The following CIBAR1 variants were observed in gnomAD, a reference collection of about 807,000 sequenced individuals.
CIBAR1 encodes the protein CBY1 interacting BAR domain containing 1, also known as CBY1-interacting BAR domain-containing protein 1.
A neutral mutation model predicts 44.0 loss-of-function variants in CIBAR1; 25 were observed. That is an observed-to-expected ratio of 0.57 (90% CI 0.41 to 0.79). The LOEUF is 0.79. Ranked by LOEUF, CIBAR1 falls within the 30% of genes least tolerant of loss-of-function variation. CIBAR1 has a pLI of 0.00. For synonymous variants in CIBAR1, 115 were observed against 119.0 expected (o/e 0.97, Z 0.22); for missense variants, 278 against 344.8 (o/e 0.81, Z 1.53).
intron 7 of CIBAR1, among the ~76,000 whole-genome samples, chr8:93,724,986 CTT>C (rs879270732): frequency 2.0e-5 from 3 of 151,300 alleles, no homozygotes; most frequent in Non-Finnish European, 3.0e-5. Context: ...TTCAGAGAAA[CTT>C]TTTTTTTGAG....
chr8:93,727,790 T>C (rs1370596696), intron 8 of CIBAR1, among the ~76,000 whole-genome samples: 1 of 152,196 alleles, frequency 6.6e-6, no homozygotes, highest in Non-Finnish European at 1.5e-5. Context: ...TCTCAACTCA[T>C]TCCATTTAAA....
Position 93,700,554 on chromosome 8 carries a change from T to TCCCGGCGGCTGCTTGCGC in CIBAR1, c.-90_-73dup, listed in dbSNP as rs2130258134. ...CGGCGCGAGGGGCGGGCTTTCAGGC[T>TCCCGGCGGCTGCTTGCGC]CCCGGCGGCTGCTTGCGCCCCAGCG... On this transcript the variant is annotated 5_prime_UTR_variant, in exon 1 of 9. Transcript: ENST00000518322. 3 of 1,350,966 alleles carry TCCCGGCGGCTGCTTGCGC rather than the reference T, an allele frequency of 2.2e-6. No individual in the cohort carries two copies. The highest frequency in any genetic ancestry group is 5.5e-4 in the Middle Eastern group (2 of 3,636). The allele number at this position is 1,350,966 out of a possible 1,614,324, so 83.7% of individuals were successfully genotyped here. A position where few individuals can be genotyped will look rare whatever the true frequency, so the allele number is the denominator to read the frequency against.
chr8:93,721,112 C>A (rs1278462029), intron 7 of CIBAR1: 1 of 152,134 alleles, frequency 6.6e-6, no homozygotes, highest in Admixed American at 6.5e-5. Flanking sequence ...AGCTGGAAGT[C>A]TGATCCGGAA....
At chr8:93,708,840 C>T (rs905606736) in intron 5 of CIBAR1, among the ~76,000 whole-genome samples, 12 of 152,248 alleles carry the variant, frequency 7.9e-5, no homozygotes, top group Non-Finnish European at 1.5e-4. Context: ...CAAAATACCT[C>T]AATGTTGTAA....
At chr8:93,725,715 C>A (rs1323449235) in intron 7 of CIBAR1, 1 of 151,636 alleles carries the variant, frequency 6.6e-6, no homozygotes, top group Non-Finnish European at 1.5e-5. Flanking sequence ...GAAAAATGCA[C>A]ATTGGAACTA....
intron 6 of CIBAR1, among the ~76,000 whole-genome samples, chr8:93,717,761 T>G (rs937215415): frequency 2.0e-5 from 3 of 152,236 alleles, no homozygotes; most frequent in Non-Finnish European, 2.9e-5. Flanking sequence ...TGCCTTGTTC[T>G]TATTCAGCCC....
chr8:93,703,691 A>G lies in CIBAR1; in HGVS notation c.330+3A>G. The G allele has an allele frequency of 6.5e-7, 1 of 1,547,876 alleles. No homozygotes were observed. The highest frequency in any genetic ancestry group is 2.4e-5 in the East Asian group (1 of 41,146). On this transcript the variant is annotated splice_donor_region_variant and intron_variant, in intron 3 of 8. Coordinates refer to ENST00000518322, the MANE Select transcript of CIBAR1 (RefSeq NM_145269.5). ...GGACCATTGTGAAAATGAAACGGGT[A>G]AGTAAATCCATTTTCTCACTTAACT...
In CIBAR1 at chr8:93,730,459, G is replaced by A. The variant is rs756760451; in HGVS notation, c.*2162G>A. 6.6e-6 allele frequency: 1 copy of A among 152,184 alleles called. No individual in the cohort carries two copies. The allele number at this position is 152,184 out of a possible 1,614,324, so 9.4% of individuals were successfully genotyped here. ...ACAAATGCCACTGGGTATCAGGCTA[G>A]AGAATACACCTCCAGTGTACCTGGT... On this transcript the variant is annotated 3_prime_UTR_variant, in exon 9 of 9. Transcript: ENST00000518322.
intron 5 of CIBAR1, among the ~76,000 whole-genome samples, chr8:93,708,492 GA>G (rs1475317502): frequency 2.6e-5 from 4 of 152,262 alleles, no homozygotes; most frequent in Non-Finnish European, 2.9e-5. Flanking sequence ...TAGTTTTAAT[GA>G]AAATAGCCCC....
chr8:93,703,118 C>G (rs980272475), intron 2 of CIBAR1, among the ~76,000 whole-genome samples: 1 of 151,994 alleles, frequency 6.6e-6, no homozygotes, highest in African/African-American at 2.4e-5. Context: ...CTGTAGGCTT[C>G]GATAATTCAC....
rs746577960 is a variant in CIBAR1, at chr8:93,728,169, T to C, written c.778-36T>C. The C allele has an allele frequency of 5.9e-6, 8 of 1,350,818 alleles. No individual in the cohort carries two copies. In the East Asian group the frequency reaches 1.6e-4, roughly 26 times the overall value. 83.7% of individuals were successfully genotyped at this position (1,350,818 alleles called of 1,614,324 possible). A position where few individuals can be genotyped will look rare whatever the true frequency, so the allele number is the denominator to read the frequency against. ...AGAATGTAAAATTTTTTTAAGTTAG[T>C]ATTTTTATTTTAAAAAGTGTGTTAA... On this transcript the variant is annotated intron_variant, in intron 8 of 8. Transcript: ENST00000518322.
chr8:93,702,597 T>A (rs1810409391), intron 2 of CIBAR1: 2 of 451,822 alleles, frequency 4.4e-6, no homozygotes, highest in East Asian at 1.4e-4. Flanking sequence ...TTAAACTGAA[T>A]AATCAGTATG....
chr8:93,711,677 T>C (rs1472811685), intron 6 of CIBAR1, among the ~76,000 whole-genome samples: 1 of 152,226 alleles, frequency 6.6e-6, no homozygotes, highest in Non-Finnish European at 1.5e-5. Flanking sequence ...TTGTGAGCTA[T>C]GCCTGATTCC....
chr8:93,701,183 C>T (rs780808742), intron 1 of CIBAR1, 41 bp from the exon 2 acceptor site: 2 of 1,584,790 alleles, frequency 1.3e-6, no homozygotes, highest in South Asian at 1.1e-5. Context: ...CTTCTCATCT[C>T]TAACGAGAAT....
intron 1 of CIBAR1, 137 bp downstream of exon 1, chr8:93,700,810 T>C (rs1001291936): frequency 2.2e-6 from 3 of 1,335,836 alleles, no homozygotes; most frequent in Non-Finnish European, 1.9e-6. Context: ...CGCTGTGACC[T>C]GGGGCCTAAT....
chr8:93,728,182 A>G, intron 8 of CIBAR1, 23 bp from the exon 9 acceptor site: 1 of 1,445,212 alleles, frequency 6.9e-7, no homozygotes, highest in Non-Finnish European at 9.2e-7. Context: ...TTTTATTTTA[A>G]AAAGTGTGTT....
rs1482988642 is a variant in CIBAR1, at chr8:93,713,030, TTTC to T, written c.543+3158_543+3160del. Among the ~76,000 whole-genome samples the T allele has an allele frequency of 9.1e-3, 496 of 54,332 alleles. 10 individuals are homozygous for T. The highest frequency in any genetic ancestry group is 0.033 in the African/African-American group (475 of 14,274). 35.6% of individuals were successfully genotyped at this position (54,332 alleles called of 152,430 possible). The stretch of plus-strand genomic sequence containing the variant: ...CCTTTACCCTTTTTTTCTCCTTTTT[TTTC>T]TTTTTTTTTTTTTTTTCGAGACAGA... On this transcript the variant is annotated intron_variant, in intron 6 of 8. Coordinates refer to ENST00000518322, the MANE Select transcript of CIBAR1 (RefSeq NM_145269.5).
chr8:93,701,011 C>T lies in CIBAR1; in HGVS notation c.27-213C>T, dbSNP rs1810323032. ...CCACCTCCCCAGTTAAGGCCAGGCC[C>T]ACCCGGCCTGGGCCTTTTCCTGTGC... On this transcript the variant is annotated intron_variant, in intron 1 of 8. Transcript: ENST00000518322. The T allele has an allele frequency of 2.1e-6, 3 of 1,423,078 alleles. No individual in the cohort carries two copies. The African/African-American group carries it at 4.3e-5, about 21-fold the overall frequency. The allele number at this position is 1,423,078 out of a possible 1,614,324, so 88.2% of individuals were successfully genotyped here.
rs1482016388 is a variant in CIBAR1, at chr8:93,729,818, A to G, written c.*1521A>G. The stretch of plus-strand genomic sequence containing the variant: ...AAAACCATTCCTAGCTTCCACTACA[A>G]CAACAACAAAAAACAGGCAACCAAT... On this transcript the variant is annotated 3_prime_UTR_variant, in exon 9 of 9. Coordinates refer to ENST00000518322, the MANE Select transcript of CIBAR1 (RefSeq NM_145269.5). The G allele has an allele frequency of 2.6e-5, 4 of 152,170 alleles. No homozygotes were observed. The highest frequency in any genetic ancestry group is 2.9e-5 in the Non-Finnish European group (2 of 68,014). The allele number at this position is 152,170 out of a possible 1,614,324, so 9.4% of individuals were successfully genotyped here. A position where few individuals can be genotyped will look rare whatever the true frequency, so the allele number is the denominator to read the frequency against.
Sources: gnomAD v4.1 joint callset for allele counts (sites outside exome capture counted in the v4.1 genomes callset) on GRCh38, gnomAD v4.1.1 for gene constraint, MANE v1.5 for transcripts, NCBI Gene and HGNC (gene_info 2026-07-23, HGNC 2026-07-21) for gene names.